SLC38A10: variants seen among roughly 807,000 people sequenced by gnomAD.
The protein encoded by SLC38A10 is solute carrier family 38 member 10, also known as Sodium-coupled neutral amino acid transporter 10.
Under a neutral mutation model 81.0 loss-of-function variants are expected in SLC38A10, and 53 were observed. The observed-to-expected ratio is 0.65, with a 90% CI of 0.53 to 0.82. The LOEUF (loss-of-function observed/expected upper bound fraction) is 0.82, where lower values mean the gene tolerates loss of function less well. Among genes scored for constraint, SLC38A10 ranks in the 40% least tolerant of loss-of-function variants. The pLI, the probability that SLC38A10 is intolerant of heterozygous loss-of-function variation, is 0.00. For missense variants in SLC38A10, 1,471 were observed against 1,545.0 expected, an observed-to-expected ratio of 0.95 and a Z score of 0.80; for synonymous variants, 665 against 655.3, an observed-to-expected ratio of 1.01 and a Z score of -0.23.
Position 81,245,433 on chromosome 17 carries a change from C to T in SLC38A10, c.*123G>A. 6.4e-6 allele frequency: 8 copies of T among 1,250,410 alleles called. No individual in the cohort carries two copies. The highest frequency in any genetic ancestry group is 8.8e-6 in the Non-Finnish European group (8 of 909,592). 77.5% of individuals were successfully genotyped at this position (1,250,410 alleles called of 1,614,324 possible). On this transcript the variant is annotated 3_prime_UTR_variant, in exon 16 of 16. Coordinates refer to ENST00000374759, the MANE Select transcript of SLC38A10 (RefSeq NM_001037984.3). Reference sequence around the variant, plus strand: ...TGTCACTCACACTTGGTGAGGGCCTCAGACATGAAACCCTGGGGAGAGGCG... The same window carrying T: ...TGTCACTCACACTTGGTGAGGGCCTTAGACATGAAACCCTGGGGAGAGGCG...
intron 6 of SLC38A10, among the ~76,000 whole-genome samples, chr17:81,278,908 A>G (rs2063184704): frequency 6.6e-6 from 1 of 152,154 alleles, no homozygotes; most frequent in South Asian, 2.1e-4. Context: ...CTCCTCTCCA[A>G]TCCTGACCAC....
intron 8 of SLC38A10, among the ~76,000 whole-genome samples, chr17:81,273,129 C>T (rs1231415915): frequency 6.6e-6 from 1 of 152,188 alleles, no homozygotes; most frequent in Admixed American, 6.5e-5. Flanking sequence ...ATTTCAAAGT[C>T]CAGGAAGAAG....
Position 81,277,114 on chromosome 17 carries a change from C to T in SLC38A10, c.646G>A (p.Asp216Asn), listed in dbSNP as rs149780280. 6.8e-5 allele frequency: 109 copies of T among 1,613,818 alleles called. No homozygotes were observed. The highest frequency in any genetic ancestry group is 7.4e-5 in the Non-Finnish European group (87 of 1,179,952). The change falls in exon 7 of 16, where the codon GAC becomes AAC. Residue 216 changes from aspartate (D) to asparagine (N), a missense_variant. Asp to Asn is a conservative substitution (Grantham distance 23). Transcript: ENST00000374759. This position sits in a 1 kb window ranked among gnomAD's most constrained non-coding sequence, Gnocchi z 4.5. ...TTCACTGACGGCTCATCCAGGCTGT[C>T]GTAGGTGGGCAGCACCTGGCTGTAT... ...ACQSQVLPTY[D>N]SLDEPSVKTM...
chr17:81,280,807 C>A, intron 5 of SLC38A10, 74 bp from the exon 6 acceptor site: 1 of 1,529,694 alleles, frequency 6.5e-7, no homozygotes. Context: ...GCCCACGCGC[C>A]GCTAGGAAGG....
At chr17:81,267,983 G>A (rs544532635) in intron 10 of SLC38A10, among the ~76,000 whole-genome samples, 6 of 151,488 alleles carry the variant, frequency 4.0e-5, no homozygotes, top group African/African-American at 9.7e-5. Flanking sequence ...GCCAGAGCTC[G>A]AGGGAGAGAA....
intron 8 of SLC38A10, among the ~76,000 whole-genome samples, chr17:81,275,574 A>G (rs1243117788): frequency 6.6e-6 from 1 of 150,886 alleles, no homozygotes; most frequent in Admixed American, 6.6e-5. Context: ...TCTACTAAAA[A>G]TACAAAAATT....
At chr17:81,294,372 C>G (rs138677725) in intron 1 of SLC38A10, among the ~76,000 whole-genome samples, 10 of 152,228 alleles carry the variant, frequency 6.6e-5, no homozygotes, top group African/African-American at 2.4e-4. Flanking sequence ...AGGTGTATAA[C>G]CTGGTGGATG....
intron 11 of SLC38A10, 97 bp downstream of exon 11, chr17:81,260,141 G>A (rs2063008162): frequency 1.4e-6 from 2 of 1,428,550 alleles, no homozygotes; most frequent in African/African-American, 1.4e-5. Context: ...ACAGGACAGA[G>A]GCCACTGAGC....
intron 11 of SLC38A10, among the ~76,000 whole-genome samples, chr17:81,256,476 C>T (rs58520115): frequency 0.046 from 7,021 of 152,342 alleles, 212 homozygotes; most frequent in Middle Eastern, 0.085. Flanking sequence ...CCATGGCTCC[C>T]TCTGTGCACT....
At chr17:81,278,668 A>C (rs147639782) in intron 6 of SLC38A10, among the ~76,000 whole-genome samples, 33 of 152,298 alleles carry the variant, frequency 2.2e-4, no homozygotes, top group East Asian at 3.9e-4. Flanking sequence ...CTACAGAAGA[A>C]GGCCATGTTG....
In SLC38A10 at chr17:81,279,506, G is replaced by A. The variant is rs892047399; in HGVS notation, c.626+1103C>T. The stretch of plus-strand genomic sequence containing the variant: ...ACAGGGGTGGGGAGGTCAGCGCAGC[G>A]GCCAGCACAAGGAGGGATGTCCCTG... On this transcript the variant is annotated intron_variant, in intron 6 of 15. Transcript: ENST00000374759. 1.6e-4 allele frequency among the ~76,000 whole-genome samples: 25 copies of A among 152,314 alleles called. 1 individual carries two copies. The highest frequency in any genetic ancestry group is 5.8e-4 in the African/African-American group (24 of 41,576).
chr17:81,287,126 G>A lies in SLC38A10; in HGVS notation c.218-2231C>T, dbSNP rs1216914215. ...CAACCAGCAACAGCAAATAGGACAGGGAAATATACAAACACCAACAAAAAA... is the reference window on the plus strand; with the variant it reads ...CAACCAGCAACAGCAAATAGGACAGAGAAATATACAAACACCAACAAAAAA... On this transcript the variant is annotated intron_variant, in intron 2 of 15. Transcript: ENST00000374759. Among the ~76,000 whole-genome samples the A allele has an allele frequency of 4.6e-5, 7 of 152,158 alleles. No individual in the cohort carries two copies. In the East Asian group the frequency reaches 1.3e-3, roughly 29 times the overall value.
intron 10 of SLC38A10, among the ~76,000 whole-genome samples, chr17:81,268,611 G>A (rs368706774): frequency 6.6e-6 from 1 of 151,984 alleles, no homozygotes; most frequent in African/African-American, 2.4e-5. Flanking sequence ...ATGTCTTGTG[G>A]AGTTTTAAAT....
At chr17:81,258,676 G>A (rs2062994189) in intron 11 of SLC38A10, among the ~76,000 whole-genome samples, 1 of 152,194 alleles carries the variant, frequency 6.6e-6, no homozygotes, top group South Asian at 2.1e-4. Flanking sequence ...CAGCTCCCAT[G>A]TCAGCGCCCA....
At chr17:81,284,806 G>C in intron 3 of SLC38A10, 44 bp downstream of exon 3, 1 of 1,461,716 alleles carries the variant, frequency 6.8e-7, no homozygotes, top group Non-Finnish European at 9.2e-7. Flanking sequence ...CCAGTGTCTG[G>C]GTGCGGGGGT....
chr17:81,249,803 G>C (rs1367747154), intron 14 of SLC38A10, among the ~76,000 whole-genome samples: 1 of 152,176 alleles, frequency 6.6e-6, no homozygotes, highest in Non-Finnish European at 1.5e-5. Context: ...TCAGACGCTT[G>C]CAGAGACCAG....
rs1306119340 is a variant in SLC38A10, at chr17:81,276,915, G to A, written c.729+116C>T. 1.1e-5 allele frequency: 11 copies of A among 1,042,262 alleles called. No individual in the cohort carries two copies. The highest frequency in any genetic ancestry group is 5.8e-5 in the Admixed American group (3 of 51,874). The allele number at this position is 1,042,262 out of a possible 1,614,324, so 64.6% of individuals were successfully genotyped here. A position where few individuals can be genotyped will look rare whatever the true frequency, so the allele number is the denominator to read the frequency against. ...CTCCAGACACTGGGATGGGAACAGA[G>A]AGAAAAACCCAGCAGCACACAGGGC... On this transcript the variant is annotated intron_variant, in intron 7 of 15. Coordinates refer to ENST00000374759, the MANE Select transcript of SLC38A10 (RefSeq NM_001037984.3). This position sits in a 1 kb window ranked among gnomAD's most constrained non-coding sequence, Gnocchi z 4.7.
Position 81,287,838 on chromosome 17 carries a change from CA to C in SLC38A10, c.217+1852del, listed in dbSNP as rs1478407742. Among the ~76,000 whole-genome samples the C allele has an allele frequency of 7.5e-4, 115 of 152,324 alleles. 1 individual carries two copies. In the East Asian group the frequency reaches 9.7e-3, roughly 13 times the overall value. On this transcript the variant is annotated intron_variant, in intron 2 of 15. Transcript: ENST00000374759. ...CAGCCCTGGGTCACCGGTCTTCTTC[CA>C]GGACACAGCCAAGGACTGGAGTTGG...
intron 10 of SLC38A10, among the ~76,000 whole-genome samples, chr17:81,269,703 G>A (rs2063098234): frequency 6.6e-6 from 1 of 152,026 alleles, no homozygotes; most frequent in Non-Finnish European, 1.5e-5. Context: ...ATCAGGTTGA[G>A]GCCGGGCGCA....
Sources: gnomAD v4.1 joint callset for allele counts (sites outside exome capture counted in the v4.1 genomes callset) on GRCh38, gnomAD v4.1.1 for gene constraint, Gnocchi (gnomAD v3.1) non-coding constraint, MANE v1.5 for transcripts, NCBI Gene and HGNC (gene_info 2026-07-23, HGNC 2026-07-21) for gene names.